ARHGEF37: variants seen among roughly 807,000 people sequenced by gnomAD.
ARHGEF37 encodes the protein Rho guanine nucleotide exchange factor 37, also known as Rho guanine nucleotide exchange factor (GEF) 37.
A neutral mutation model predicts 71.1 loss-of-function variants in ARHGEF37; 55 were observed. That is an observed-to-expected ratio of 0.77 (90% CI 0.62 to 0.97). The LOEUF (loss-of-function observed/expected upper bound fraction) is 0.97, where lower values mean the gene tolerates loss of function less well. Among genes scored for constraint, ARHGEF37 ranks in the 50% least tolerant of loss-of-function variants. ARHGEF37 has a pLI of 0.00. For synonymous variants in ARHGEF37, 327 were observed against 350.6 expected, an observed-to-expected ratio of 0.93 and a Z score of 0.75; for missense variants, 765 against 836.8, an observed-to-expected ratio of 0.91 and a Z score of 1.06.
intron 2 of ARHGEF37, 114 bp from the exon 3 acceptor site, chr5:149,600,994 A>T: frequency 8.0e-7 from 1 of 1,253,860 alleles, no homozygotes. Flanking sequence ...TGGGGCAGCC[A>T]ATCTTCTCAG....
At chr5:149,577,403 A>C (rs1004502524), upstream of ARHGEF37, among the ~76,000 whole-genome samples, 7 of 146,490 alleles carry the variant, frequency 4.8e-5, no homozygotes, top group Admixed American at 2.2e-4. Context: ...TATCAGAAAA[A>C]TGTATTTACT....
chr5:149,630,236 C>G (rs958559318), intron 12 of ARHGEF37, among the ~76,000 whole-genome samples: 1 of 152,130 alleles, frequency 6.6e-6, no homozygotes, highest in African/African-American at 2.4e-5. Flanking sequence ...AGGGATTTGG[C>G]TTTGCAGGGA....
At chr5:149,580,765 A>C (rs935655150), upstream of ARHGEF37, among the ~76,000 whole-genome samples, 2 of 152,210 alleles carry the variant, frequency 1.3e-5, no homozygotes, top group African/African-American at 4.8e-5. Flanking sequence ...AAAAATGAAA[A>C]TAAGAATAAA....
At chr5:149,555,542 T>C (rs1243604396) in intron 1 of ARHGEF37, among the ~76,000 whole-genome samples, 2 of 151,754 alleles carry the variant, frequency 1.3e-5, no homozygotes, top group Non-Finnish European at 2.9e-5. Flanking sequence ...CTTGAACTCC[T>C]GGACTCAAGT....
chr5:149,577,626 C>A (rs1487277019), upstream of ARHGEF37, among the ~76,000 whole-genome samples: 1 of 152,210 alleles, frequency 6.6e-6, no homozygotes, highest in Admixed American at 6.5e-5. Context: ...ACCCACTTCT[C>A]CAGGTTTGGA....
chr5:149,558,721 GTGTGTGTGTGTGTGTGTATA>G (rs1249268143), intron 1 of ARHGEF37, among the ~76,000 whole-genome samples: 2 of 135,634 alleles, frequency 1.5e-5, no homozygotes, highest in East Asian at 2.1e-4. Context: ...GTGTGTGTGT[GTGTGTGTGTGTGTGTGTATA>G]TATATTTTTA....
chr5:149,558,764 AT>A (rs1302537723), intron 1 of ARHGEF37, among the ~76,000 whole-genome samples: 5 of 151,244 alleles, frequency 3.3e-5, no homozygotes, highest in African/African-American at 1.2e-4. Flanking sequence ...TGTATAAAAT[AT>A]TTACTGTTCC....
At chr5:149,587,896 T>TC (rs1763285140) in intron 1 of ARHGEF37, among the ~76,000 whole-genome samples, 1 of 88,952 alleles carries the variant, frequency 1.1e-5, no homozygotes. Flanking sequence ...CCTTTAGTCT[T>TC]TTTTTTTTTT....
Position 149,615,335 on chromosome 5 carries a change from G to C in ARHGEF37, c.459-1232G>C, listed in dbSNP as rs527596072. On this transcript the variant is annotated intron_variant, in intron 4 of 12. Transcript: ENST00000333677. ...TTTTTTTTTTTGAAGCAGAGGTCAT[G>C]CTATGTTGCCCAGGCTGGTCTTGAA... Among the ~76,000 whole-genome samples the C allele has an allele frequency of 5.4e-5, 8 of 149,168 alleles. No individual in the cohort carries two copies. The South Asian group carries it at 1.7e-3, about 32-fold the overall frequency.
At chr5:149,555,820 T>C (rs771012899) in intron 1 of ARHGEF37, among the ~76,000 whole-genome samples, 2 of 152,236 alleles carry the variant, frequency 1.3e-5, no homozygotes, top group Middle Eastern at 3.4e-3. Flanking sequence ...TCAAGATGAA[T>C]TTTAAAACTT....
rs992342254 is a variant in ARHGEF37, at chr5:149,570,395, G to A, written c.-12+18272G>A. Among the ~76,000 whole-genome samples, 26 of 151,530 alleles carry A rather than the reference G, an allele frequency of 1.7e-4. 1 individual carries two copies. The highest frequency in any genetic ancestry group is 6.3e-4 in the African/African-American group (26 of 41,136). On this transcript the variant is annotated intron_variant, in intron 1 of 2. Coordinates refer to the ARHGEF37 transcript ENST00000505810. ...TTGAGACCAGGCTGACCAACATGGT[G>A]AAACCCCATCTCTACTAAAAAAAAT...
rs1159363900 is a variant in ARHGEF37 at position 149,634,885 on chromosome 5, TGAATTCTTGGTTAATATGAC to T, written c.*2698_*2717del. 6.6e-6 allele frequency: 1 copy of T among 152,308 alleles called. No individual in the cohort carries two copies. Among genetic ancestry groups the T allele is most frequent in the African/African-American group, 2.4e-5 (1 of 41,414 alleles). The allele number at this position is 152,308 out of a possible 1,614,324, so 9.4% of individuals were successfully genotyped here. On this transcript the variant is annotated 3_prime_UTR_variant, in exon 13 of 13. Coordinates refer to ENST00000333677, the MANE Select transcript of ARHGEF37 (RefSeq NM_001001669.3). Reference sequence around the variant, plus strand: ...ATTACAATATCAAAAGAAAGATGAATGAATTCTTGGTTAATATGACGAACCCCAGCTCAATGAGTAACTGA... The same window carrying T: ...ATTACAATATCAAAAGAAAGATGAATGAACCCCAGCTCAATGAGTAACTGA...
chr5:149,629,479 G>A (rs138794055), intron 12 of ARHGEF37, among the ~76,000 whole-genome samples: 7 of 152,340 alleles, frequency 4.6e-5, no homozygotes, highest in African/African-American at 1.4e-4. Flanking sequence ...TCTCAAACAG[G>A]AAGGGAGAGA....
At chr5:149,626,545 T>A (rs974847120) in intron 10 of ARHGEF37, among the ~76,000 whole-genome samples, 1 of 152,210 alleles carries the variant, frequency 6.6e-6, no homozygotes, top group Non-Finnish European at 1.5e-5. Context: ...TCTCAAAGTT[T>A]TCCACAGTGC....
chr5:149,568,529 A>G (rs1762924750), intron 1 of ARHGEF37, among the ~76,000 whole-genome samples: 1 of 151,482 alleles, frequency 6.6e-6, no homozygotes, highest in African/African-American at 2.4e-5. Flanking sequence ...CCACACCCCT[A>G]TCAAGATACA....
Position 149,627,196 on chromosome 5 carries a change from C to G in ARHGEF37, c.1585C>G (p.Arg529Gly). 1.2e-6 allele frequency: 2 copies of G among 1,614,104 alleles called. No homozygotes were observed. Among genetic ancestry groups the G allele is most frequent in the South Asian group, 2.2e-5 (2 of 91,090 alleles). Residue 529 changes from arginine to glycine, a missense_variant, in exon 11 of 13, where the codon CGG becomes GGG. Around this residue, in one of 5 missense-constraint regions of ARHGEF37, gnomAD observed 390 missense variants for 407.4 expected, o/e 0.96. Transcript: ENST00000333677. ...GTGTLDLTLP[R>G]GQIVAILQNK... Reference sequence around the variant, plus strand: ...TGGGACTCTGGACCTGACTCTGCCTCGGGGCCAAATCGTGGCCATCCTTCA... The same window carrying G: ...TGGGACTCTGGACCTGACTCTGCCTGGGGGCCAAATCGTGGCCATCCTTCA...
intron 7 of ARHGEF37, among the ~76,000 whole-genome samples, chr5:149,619,933 C>T (rs1752487140): frequency 6.6e-6 from 1 of 151,966 alleles, no homozygotes; most frequent in South Asian, 2.1e-4. Context: ...ATTAGCCAGG[C>T]AAGGTGTCAC....
At chr5:149,570,606 G>A (rs1407250983) in intron 1 of ARHGEF37, among the ~76,000 whole-genome samples, 14 of 142,690 alleles carry the variant, frequency 9.8e-5, no homozygotes, top group South Asian at 4.5e-4. Context: ...GGCCAGGCGC[G>A]GTGGCTCACA....
intron 3 of ARHGEF37, among the ~76,000 whole-genome samples, chr5:149,607,338 G>A (rs1332249370): frequency 6.6e-6 from 1 of 152,214 alleles, no homozygotes; most frequent in Non-Finnish European, 1.5e-5. Flanking sequence ...GCCTCTGCAG[G>A]TGTCCTTCCC....
Sources: gnomAD v4.1 joint callset for allele counts (sites outside exome capture counted in the v4.1 genomes callset) on GRCh38, gnomAD v4.1.1 for gene constraint, gnomAD v4.1.1 regional missense constraint, MANE v1.5 for transcripts, NCBI Gene and HGNC (gene_info 2026-07-23, HGNC 2026-07-21) for gene names.